Variants in GNB4 observed in about 807,000 individuals in gnomAD.
The protein encoded by GNB4 is guanine nucleotide-binding protein subunit beta-4.
A neutral mutation model predicts 45.2 loss-of-function variants in GNB4; 28 were observed. The observed-to-expected ratio is 0.62, with a 90% CI of 0.46 to 0.85. The LOEUF is 0.85. Ranked by LOEUF, GNB4 falls within the 40% of genes least tolerant of loss-of-function variation. GNB4 has a pLI of 0.00. For synonymous variants in GNB4, 132 were observed against 143.7 expected, an observed-to-expected ratio of 0.92 and a Z score of 0.58; for missense variants, 321 against 425.4, an observed-to-expected ratio of 0.75 and a Z score of 2.16.
chr3:179,409,352 A>G (rs1714575941), intron 8 of GNB4, among the ~76,000 whole-genome samples: 1 of 151,766 alleles, frequency 6.6e-6, no homozygotes, highest in South Asian at 2.1e-4. Flanking sequence ...TCCACTAAAA[A>G]TACAAAAAAA....
At chr3:179,492,532 C>T in the GNB4 span, among the ~76,000 whole-genome samples, 2 of 152,048 alleles carry the variant, frequency 1.3e-5, no homozygotes, top group African/African-American at 4.8e-5. Flanking sequence ...TGTCACATAC[C>T]CTGGAGCCCA....
the GNB4 span, among the ~76,000 whole-genome samples, chr3:179,521,742 C>T: frequency 6.6e-6 from 1 of 152,140 alleles, no homozygotes; most frequent in Non-Finnish European, 1.5e-5. Context: ...TAATTGGATG[C>T]CCTGAGTCCT....
At chr3:179,504,112 T>C in the GNB4 span, among the ~76,000 whole-genome samples, 3,645 of 152,216 alleles carry the variant, frequency 0.024, 126 homozygotes, top group African/African-American at 0.078. Flanking sequence ...TTTTCATTCT[T>C]CTCAAATCAA....
At chr3:179,518,750 A>G in the GNB4 span, among the ~76,000 whole-genome samples, 3 of 152,128 alleles carry the variant, frequency 2.0e-5, no homozygotes, top group Non-Finnish European at 4.4e-5. Context: ...ACTCTTTTTC[A>G]TCAAATATAA....
the GNB4 span, among the ~76,000 whole-genome samples, chr3:179,515,362 G>T: frequency 2.7e-3 from 416 of 152,338 alleles, 4 homozygotes; most frequent in African/African-American, 9.9e-3. Flanking sequence ...CAACAAGGCT[G>T]TTTATTTCAC....
chr3:179,433,638 A>G (rs1715368658), intron 1 of GNB4, among the ~76,000 whole-genome samples: 1 of 151,792 alleles, frequency 6.6e-6, no homozygotes, highest in Non-Finnish European at 1.5e-5. Flanking sequence ...AAAAGCAAGC[A>G]GCTTCAGTTG....
At chr3:179,484,839 T>TGTGG in the GNB4 span, among the ~76,000 whole-genome samples, 1 of 141,588 alleles carries the variant, frequency 7.1e-6, no homozygotes, top group Admixed American at 7.0e-5. Context: ...TATATATATG[T>TGTGG]GTGTGTGTGT....
At chr3:179,466,257 T>C in the GNB4 span, among the ~76,000 whole-genome samples, 1 of 152,006 alleles carries the variant, frequency 6.6e-6, no homozygotes, top group Non-Finnish European at 1.5e-5. Context: ...GTGATCCACC[T>C]ACCTCGGCCT....
the GNB4 span, among the ~76,000 whole-genome samples, chr3:179,526,805 A>T: frequency 1.5e-4 from 23 of 152,372 alleles, no homozygotes; most frequent in Admixed American, 1.5e-3. Context: ...TCCTTAGATG[A>T]AAAATAAATT....
At chr3:179,484,992 C>CT in the GNB4 span, among the ~76,000 whole-genome samples, 732 of 139,468 alleles carry the variant, frequency 5.2e-3, 16 homozygotes, top group African/African-American at 0.019. Context: ...TTCATGGCAA[C>CT]TTTTTTCGTT....
At chr3:179,486,578 C>T in the GNB4 span, among the ~76,000 whole-genome samples, 2 of 152,146 alleles carry the variant, frequency 1.3e-5, no homozygotes, top group African/African-American at 4.8e-5. Flanking sequence ...CAATGAGCCA[C>T]CATAGGATTC....
the GNB4 span, among the ~76,000 whole-genome samples, chr3:179,523,329 G>T: frequency 1.1e-4 from 16 of 152,276 alleles, 2 homozygotes; most frequent in East Asian, 1.9e-4. Context: ...CCTGATGGGT[G>T]TCAGGGTCAG....
At chr3:179,406,900 C>T (rs556633930) in intron 8 of GNB4, among the ~76,000 whole-genome samples, 1 of 152,270 alleles carries the variant, frequency 6.6e-6, no homozygotes, top group East Asian at 1.9e-4. Flanking sequence ...CGGGCATAAG[C>T]CACAGCGCCT....
the GNB4 span, among the ~76,000 whole-genome samples, chr3:179,520,246 C>G: frequency 6.7e-6 from 1 of 148,958 alleles, no homozygotes; most frequent in African/African-American, 2.5e-5. Context: ...GCCCGCATTA[C>G]TTCAGTCGAG....
intron 1 of GNB4, among the ~76,000 whole-genome samples, chr3:179,429,917 C>A (rs1459273338): frequency 6.6e-6 from 1 of 152,118 alleles, no homozygotes; most frequent in Non-Finnish European, 1.5e-5. Flanking sequence ...TTCTCACAAG[C>A]CCTCTTGCAG....
intron 1 of GNB4, among the ~76,000 whole-genome samples, chr3:179,439,013 CAG>C (rs1715530112): frequency 6.6e-6 from 1 of 152,178 alleles, no homozygotes; most frequent in Non-Finnish European, 1.5e-5. Context: ...CTGTGGTTCT[CAG>C]AGTGTGGGGA....
chr3:179,460,893 C>A, the GNB4 span, among the ~76,000 whole-genome samples: 1 of 152,120 alleles, frequency 6.6e-6, no homozygotes, highest in Non-Finnish European at 1.5e-5. Flanking sequence ...ACACTTCATT[C>A]CAGCTGTAGG....
chr3:179,468,051 G>GTATATAC, the GNB4 span, among the ~76,000 whole-genome samples: 1 of 67,086 alleles, frequency 1.5e-5, no homozygotes, highest in Non-Finnish European at 3.0e-5. Context: ...TATATATATA[G>GTATATAC]AACAGGTGTG....
At chr3:179,421,011 T>C in intron 2 of GNB4, 84 bp from the exon 3 acceptor site, 4 of 798,144 alleles carry the variant, frequency 5.0e-6, no homozygotes, top group South Asian at 4.6e-5. Context: ...CGTAGATTTG[T>C]GAATTTACTT....
Sources: allele counts gnomAD v4.1 joint callset (sites outside exome capture counted in the v4.1 genomes callset), GRCh38; gene constraint gnomAD v4.1.1; transcripts MANE v1.5; gene names NCBI Gene and HGNC (gene_info 2026-07-23, HGNC 2026-07-21).